GRAMD4: variants seen among roughly 807,000 people sequenced by gnomAD.
GRAMD4 encodes the protein GRAM domain-containing protein 4.
Under a neutral mutation model 83.9 loss-of-function variants are expected in GRAMD4, and 25 were observed. The observed-to-expected ratio is 0.30, with a 90% CI of 0.22 to 0.42. The LOEUF (loss-of-function observed/expected upper bound fraction) is 0.42. GRAMD4 is among the 10% of genes least tolerant of loss of function. The pLI is 1.00. For missense variants in GRAMD4, 593 were observed against 788.7 expected, an observed-to-expected ratio of 0.75 and a Z score of 2.97; for synonymous variants, 336 against 320.9, an observed-to-expected ratio of 1.05 and a Z score of -0.50.
intron 1 of GRAMD4, among the ~76,000 whole-genome samples, chr22:46,603,476 T>C (rs1282892919): frequency 6.8e-6 from 1 of 147,310 alleles, no homozygotes; most frequent in Non-Finnish European, 1.5e-5. Context: ...CCCAAAGTGC[T>C]GGGATTACAG....
chr22:46,619,216 T>G (rs1282526030), upstream of GRAMD4, among the ~76,000 whole-genome samples: 2 of 152,216 alleles, frequency 1.3e-5, no homozygotes, highest in Admixed American at 1.3e-4. Flanking sequence ...GGGCAGGATC[T>G]GCAGTCTCAG....
chr22:46,619,413 C>T (rs1458235753), upstream of GRAMD4, among the ~76,000 whole-genome samples: 1 of 152,092 alleles, frequency 6.6e-6, no homozygotes, highest in Non-Finnish European at 1.5e-5. Context: ...CGTGGTTCAC[C>T]GCAGCCTCAA....
At chr22:46,638,732 T>C (rs1456484948) in intron 3 of GRAMD4, among the ~76,000 whole-genome samples, 1 of 152,218 alleles carries the variant, frequency 6.6e-6, no homozygotes, top group African/African-American at 2.4e-5. Context: ...CAGCTGACTC[T>C]ATGGTGGAAT....
chr22:46,674,039 G>A (rs752547209), intron 15 of GRAMD4, among the ~76,000 whole-genome samples: 12 of 152,224 alleles, frequency 7.9e-5, no homozygotes, highest in Non-Finnish European at 1.2e-4. Flanking sequence ...AGCCGCCCAC[G>A]CTGCAGCACT....
chr22:46,609,743 AG>A (rs891673763), intron 1 of GRAMD4, among the ~76,000 whole-genome samples: 119 of 152,314 alleles, frequency 7.8e-4, no homozygotes, highest in African/African-American at 2.7e-3. Flanking sequence ...CAGGGTCTGC[AG>A]AGCATCCCAC....
At chr22:46,680,539 CATCTGTCCGTCCGT>C (rs2146525496), downstream of GRAMD4, among the ~76,000 whole-genome samples, 2 of 151,500 alleles carry the variant, frequency 1.3e-5, no homozygotes, top group African/African-American at 2.4e-5. Flanking sequence ...CATTCATCCA[CATCTGTCCGTCCGT>C]CCGTCCGTCC....
At chr22:46,618,786 G>A (rs553056801), upstream of GRAMD4, among the ~76,000 whole-genome samples, 2 of 152,326 alleles carry the variant, frequency 1.3e-5, no homozygotes, top group African/African-American at 2.4e-5. This position sits in a 1 kb window ranked among gnomAD's most constrained non-coding sequence, Gnocchi z 5.8. Context: ...GTCTGGAGGC[G>A]TGCGGCCGGC....
intron 1 of GRAMD4, among the ~76,000 whole-genome samples, chr22:46,577,892 G>T (rs2081060067): frequency 6.6e-6 from 1 of 152,198 alleles, no homozygotes; most frequent in Non-Finnish European, 1.5e-5. Flanking sequence ...CTGCCAGAAC[G>T]TGGGGTGCAG....
At chr22:46,579,268 CTCT>C (rs914018613) in intron 1 of GRAMD4, among the ~76,000 whole-genome samples, 11 of 152,320 alleles carry the variant, frequency 7.2e-5, no homozygotes, top group African/African-American at 2.6e-4. Flanking sequence ...TAGTACCCTC[CTCT>C]TATCTGTGGA....
intron 9 of GRAMD4, 100 bp from the exon 10 acceptor site, chr22:46,666,725 C>T: frequency 1.0e-6 from 1 of 985,656 alleles, no homozygotes; most frequent in Non-Finnish European, 1.6e-6. Flanking sequence ...CTAGAAGGGC[C>T]CCCTCCAAGC....
downstream of GRAMD4, among the ~76,000 whole-genome samples, chr22:46,680,883 T>TACCTACCCATCCATCCATCCATCC (rs2082666799): frequency 7.0e-5 from 1 of 14,268 alleles, no homozygotes; most frequent in Admixed American, 7.8e-4. Flanking sequence ...CCTATCCATC[T>TACCTACCCATCCATCCATCCATCC]ACCTACCCAT....
intron 9 of GRAMD4, among the ~76,000 whole-genome samples, 177 bp from the exon 10 acceptor site, chr22:46,666,648 G>A (rs2082413264): frequency 6.6e-6 from 1 of 152,160 alleles, no homozygotes; most frequent in African/African-American, 2.4e-5. Flanking sequence ...GGTGACAGGA[G>A]TTGACTGCTC....
chr22:46,674,792 G>A (rs752108909), intron 16 of GRAMD4, 42 bp downstream of exon 16: 7 of 1,380,746 alleles, frequency 5.1e-6, no homozygotes, highest in Non-Finnish European at 7.2e-6. Flanking sequence ...CAGGGGAGGG[G>A]GCGCAGGAGG....
At chr22:46,599,224 T>TGA (rs1447856420) in intron 1 of GRAMD4, among the ~76,000 whole-genome samples, 1 of 152,184 alleles carries the variant, frequency 6.6e-6, no homozygotes. Flanking sequence ...GGCCTGTGTG[T>TGA]GAGAGTGCTT....
Position 46,658,259 on chromosome 22 carries a change from A to G in GRAMD4, c.356A>G (p.Gln119Arg), listed in dbSNP as rs376982476. Residue 119 changes from glutamine to arginine, a missense_variant, in exon 4 of 19, where the codon CAG becomes CGG. By Grantham distance (43) the Gln-to-Arg change is conservative (BLOSUM62 1). Transcript: ENST00000406902. Reference protein sequence around the residue: ...MLRQELDRERQRRMELEQKVQ... With the variant: ...MLRQELDRERRRRMELEQKVQ... ...CGGCAGGAGCTGGACCGCGAGCGGC[A>G]GCGGCGGATGGAGCTGGAGCAGAAG... is the stretch of plus-strand genomic sequence containing the variant. 2.5e-5 allele frequency: 40 copies of G among 1,613,310 alleles called. No individual in the cohort carries two copies. The highest frequency in any genetic ancestry group is 3.4e-5 in the Non-Finnish European group (40 of 1,179,888).
intron 3 of GRAMD4, among the ~76,000 whole-genome samples, chr22:46,657,113 G>A (rs919367924): frequency 6.6e-6 from 1 of 152,266 alleles, no homozygotes; most frequent in Non-Finnish European, 1.5e-5. Context: ...AGCCTGTCAA[G>A]GAGACAGGGT....
intron 3 of GRAMD4, among the ~76,000 whole-genome samples, chr22:46,654,430 T>C (rs910404696): frequency 6.6e-6 from 1 of 152,180 alleles, no homozygotes; most frequent in African/African-American, 2.4e-5. Context: ...TCCCGGCGCC[T>C]TGGCAGAGCC....
At chr22:46,597,589 ACACC>A (rs2081274455) in intron 1 of GRAMD4, among the ~76,000 whole-genome samples, 1 of 151,980 alleles carries the variant, frequency 6.6e-6, no homozygotes, top group Non-Finnish European at 1.5e-5. Context: ...TCCTGGGTTC[ACACC>A]ATTCTCCCGC....
intron 1 of GRAMD4, among the ~76,000 whole-genome samples, chr22:46,585,441 C>T (rs924282833): frequency 2.0e-5 from 3 of 152,176 alleles, no homozygotes. Flanking sequence ...CCGCCTGCCT[C>T]CACCTCCCAA....
Sources: gnomAD v4.1 joint callset for allele counts (sites outside exome capture counted in the v4.1 genomes callset) on GRCh38, gnomAD v4.1.1 for gene constraint, Gnocchi (gnomAD v3.1) non-coding constraint, MANE v1.5 for transcripts, NCBI Gene and HGNC (gene_info 2026-07-23, HGNC 2026-07-21) for gene names.